The following DOCK8 variants were observed in gnomAD, a reference collection of about 807,000 sequenced individuals.
DOCK8 encodes dedicator of cytokinesis protein 8.
A neutral mutation model predicts 245.6 loss-of-function variants in DOCK8; 141 were observed. The ratio of observed to expected loss-of-function variants is 0.57; its 90% confidence interval spans 0.50 to 0.66. The LOEUF is 0.66. Among genes scored for constraint, DOCK8 ranks in the 30% least tolerant of loss-of-function variants. The pLI is 0.00. For synonymous variants in DOCK8, 1,168 were observed against 970.2 expected (o/e 1.20, Z -3.79); for missense variants, 2,965 against 2,603.4 (o/e 1.14, Z -3.02).
chr9:270,129 CTA>C (rs1343658116), intron 1 of DOCK8, among the ~76,000 whole-genome samples: 1 of 152,168 alleles, frequency 6.6e-6, no homozygotes, highest in Non-Finnish European at 1.5e-5. Context: ...TCCCTCACGG[CTA>C]GTAGAATACT....
chr9:261,994 A>G (rs2047927482), intron 1 of DOCK8, among the ~76,000 whole-genome samples: 2 of 115,908 alleles, frequency 1.7e-5, no homozygotes. Context: ...CAAAAGAAAG[A>G]AGGAGAAAGA....
chr9:314,009 A>C (rs1282762565), intron 6 of DOCK8, among the ~76,000 whole-genome samples: 1 of 152,216 alleles, frequency 6.6e-6, no homozygotes, highest in East Asian at 1.9e-4. Context: ...ATTAAAAAGC[A>C]ACAATTAGGC....
upstream of DOCK8, chr9:214,445 T>G: frequency 6.4e-7 from 1 of 1,557,858 alleles, no homozygotes; most frequent in Non-Finnish European, 8.8e-7. Flanking sequence ...TTCCACTAAC[T>G]TTTTTGTCTT....
chr9:221,119 T>C (rs963960865), intron 1 of DOCK8, among the ~76,000 whole-genome samples: 5 of 152,178 alleles, frequency 3.3e-5, no homozygotes, highest in African/African-American at 4.8e-5. Flanking sequence ...TGAAAGTATA[T>C]ATGAACACAT....
intron 33 of DOCK8, among the ~76,000 whole-genome samples, chr9:423,400 G>A (rs748708227): frequency 7.2e-5 from 11 of 152,106 alleles, no homozygotes; most frequent in Non-Finnish European, 1.0e-4. Flanking sequence ...GCAAAATGTC[G>A]TAGAGCTAAA....
At chr9:271,586 A>C (rs1348197393) in intron 1 of DOCK8, 41 bp from the exon 2 acceptor site, 2 of 1,405,856 alleles carry the variant, frequency 1.4e-6, no homozygotes, top group Non-Finnish European at 2.0e-6. Context: ...ATGATTTCCT[A>C]AAATAATCAT....
intron 26 of DOCK8, among the ~76,000 whole-genome samples, chr9:400,354 TCC>T (rs1564013558): frequency 9.7e-5 from 1 of 10,340 alleles, no homozygotes; most frequent in African/African-American, 9.3e-4. Context: ...CACCACCACC[TCC>T]TCCACCATCA....
In DOCK8 at chr9:418,292, GAC is replaced by G; in HGVS notation, c.3840+87_3840+88del. The G allele has an allele frequency of 3.2e-6, 5 of 1,575,838 alleles. No homozygotes were observed. The South Asian group carries it at 5.6e-5, about 18-fold the overall frequency. ...TGTTTTGTTTGTTTGTTTGTTTTGA[GAC>G]AGAGTCTCACTCTGTTGCACAGGCT... On this transcript the variant is annotated intron_variant, in intron 30 of 47. Transcript: ENST00000432829.
intron 4 of DOCK8, among the ~76,000 whole-genome samples, chr9:293,867 A>C (rs1475205562): frequency 6.6e-6 from 1 of 152,206 alleles, no homozygotes; most frequent in Admixed American, 6.5e-5. Flanking sequence ...CAAATCATGT[A>C]TGATTGTTTT....
chr9:303,025 G>C (rs2049628921), intron 4 of DOCK8, among the ~76,000 whole-genome samples: 1 of 152,050 alleles, frequency 6.6e-6, no homozygotes, highest in African/African-American at 2.4e-5. Context: ...ACTGGGTATG[G>C]TGGCGTGTAC....
At chr9:394,126 T>A (rs1441778874) in intron 24 of DOCK8, among the ~76,000 whole-genome samples, 1 of 152,136 alleles carries the variant, frequency 6.6e-6, no homozygotes, top group Non-Finnish European at 1.5e-5. Context: ...GCCTCTCTGT[T>A]CTCCCACGTA....
At chr9:338,806 C>T (rs1022976963) in intron 12 of DOCK8, among the ~76,000 whole-genome samples, 200 bp from the exon 13 acceptor site, 5 of 151,972 alleles carry the variant, frequency 3.3e-5, no homozygotes, top group African/African-American at 4.8e-5. Flanking sequence ...GATAAGAGGC[C>T]GAGGCACAGT....
chr9:392,929 T>G (rs1485883967), intron 24 of DOCK8, among the ~76,000 whole-genome samples: 4 of 150,608 alleles, frequency 2.7e-5, no homozygotes, highest in Non-Finnish European at 5.9e-5. Flanking sequence ...TCTGCAAAAA[T>G]GAAAAAATTA....
chr9:421,297 C>A (rs117088142), intron 32 of DOCK8, among the ~76,000 whole-genome samples: 10 of 152,324 alleles, frequency 6.6e-5, no homozygotes, highest in Non-Finnish European at 1.3e-4. Flanking sequence ...CTGAAAACAG[C>A]ACCAAATGAC....
At chr9:272,561 C>G (rs1476323894) in intron 2 of DOCK8, among the ~76,000 whole-genome samples, 1 of 152,044 alleles carries the variant, frequency 6.6e-6, no homozygotes, top group East Asian at 1.9e-4. Context: ...AATTTTTGTA[C>G]TTTTTGTAGA....
intron 26 of DOCK8, among the ~76,000 whole-genome samples, chr9:400,021 A>ACCT (rs1197503274): frequency 9.0e-6 from 1 of 111,270 alleles, no homozygotes; most frequent in Non-Finnish European, 1.8e-5. Flanking sequence ...CATCACCACC[A>ACCT]CCTCCACCAT....
At position 363,157 on chromosome 9, in the gene DOCK8, C is replaced by T. The variant is rs148154861; in HGVS notation, c.1680-4861C>T. On this transcript the variant is annotated intron_variant, in intron 14 of 47. Coordinates refer to ENST00000432829, the MANE Select transcript of DOCK8 (RefSeq NM_203447.4). Reference sequence around the variant, plus strand: ...AAATCGCTGATGATTATCAAATGTCCAGTTCTCAATGCGGTGGTATATGTG... The same window carrying T: ...AAATCGCTGATGATTATCAAATGTCTAGTTCTCAATGCGGTGGTATATGTG... Among the ~76,000 whole-genome samples, 17 of 152,310 alleles carry T rather than the reference C, an allele frequency of 1.1e-4. 1 individual carries two copies. Among genetic ancestry groups the T allele is most frequent in the African/African-American group, 4.1e-4 (17 of 41,576 alleles).
chr9:399,911 G>A (rs994105340), intron 26 of DOCK8, among the ~76,000 whole-genome samples: 1 of 151,224 alleles, frequency 6.6e-6, no homozygotes, highest in African/African-American at 2.4e-5. Context: ...CATCATTACT[G>A]CTACTACTAC....
At chr9:359,005 A>G (rs1373764699) in intron 14 of DOCK8, among the ~76,000 whole-genome samples, 2 of 152,232 alleles carry the variant, frequency 1.3e-5, no homozygotes, top group African/African-American at 2.4e-5. Flanking sequence ...ACTTGAATGT[A>G]CATTTGAGAC....
Sources: gnomAD v4.1 joint callset for allele counts (sites outside exome capture counted in the v4.1 genomes callset) on GRCh38, gnomAD v4.1.1 for gene constraint, MANE v1.5 for transcripts, NCBI Gene and HGNC (gene_info 2026-07-23, HGNC 2026-07-21) for gene names.